FYTTD1: variants seen among roughly 807,000 people sequenced by gnomAD.
FYTTD1 encodes UAP56-interacting factor.
FYTTD1 carries 22 observed loss-of-function variants against 40.9 expected under a neutral mutation model. The observed-to-expected ratio is 0.54, with a 90% CI of 0.38 to 0.77. The LOEUF (loss-of-function observed/expected upper bound fraction) is 0.77. Ranked by LOEUF, FYTTD1 falls within the 30% of genes least tolerant of loss-of-function variation. FYTTD1 has a pLI of 0.00. For synonymous variants in FYTTD1, 140 were observed against 137.9 expected, an observed-to-expected ratio of 1.01 and a Z score of -0.10; for missense variants, 351 against 392.2, an observed-to-expected ratio of 0.90 and a Z score of 0.89.
chr3:197,779,923 GCAGGCACACACACCACACCTGGGGATA>G (rs1729980945), intron 8 of FYTTD1, among the ~76,000 whole-genome samples: 1 of 129,894 alleles, frequency 7.7e-6, no homozygotes, highest in Non-Finnish European at 1.6e-5. Context: ...ACCTGGGGAT[GCAGGCACACACACCACACCTGGGGATA>G]CAGGCACACA....
chr3:197,764,013 T>A (rs531606854), intron 2 of FYTTD1, among the ~76,000 whole-genome samples: 3 of 152,342 alleles, frequency 2.0e-5, no homozygotes, highest in Admixed American at 1.3e-4. Flanking sequence ...GGATTTTTTT[T>A]AAGCTCCATG....
Position 197,768,433 on chromosome 3 carries a change from C to G in FYTTD1, c.236-6C>G. On this transcript the variant is annotated splice_region_variant and splice_polypyrimidine_tract_variant and intron_variant, in intron 2 of 8. Coordinates refer to ENST00000241502, the MANE Select transcript of FYTTD1 (RefSeq NM_032288.7). ...GACATTTTCTTCTGTTTTTGCCCTC[C>G]TATAGGTTTTGGTAAGACTAGTCTG... is the stretch of plus-strand genomic sequence containing the variant. 1 of 1,594,574 alleles carries G rather than the reference C, an allele frequency of 6.3e-7. No individual in the cohort carries two copies. The highest frequency in any genetic ancestry group is 1.3e-5 in the African/African-American group (1 of 74,468).
rs1030716257 is a variant in FYTTD1, at chr3:197,786,315, A to G, written c.*4406A>G. 7 of 151,862 alleles carry G rather than the reference A, an allele frequency of 4.6e-5. No individual in the cohort carries two copies. Among genetic ancestry groups the G allele is most frequent in the African/African-American group, 1.7e-4 (7 of 41,306 alleles). 9.4% of individuals were successfully genotyped at this position (151,862 alleles called of 1,614,324 possible). Reference sequence around the variant, plus strand: ...TTTTTAGTAGAGACGGGGTTTCTCCATGTTGGTCAGGCTGGTCTCAAACTC... The same window carrying G: ...TTTTTAGTAGAGACGGGGTTTCTCCGTGTTGGTCAGGCTGGTCTCAAACTC... On this transcript the variant is annotated 3_prime_UTR_variant, in exon 9 of 9. Transcript: ENST00000241502.
chr3:197,750,678 C>T lies in FYTTD1; in HGVS notation c.103+604C>T, dbSNP rs1728995611. 5 of 985,382 alleles carry T rather than the reference C, an allele frequency of 5.1e-6. No homozygotes were observed. The Admixed American group carries it at 1.8e-4, about 36-fold the overall frequency. 61.0% of individuals were successfully genotyped at this position (985,382 alleles called of 1,614,324 possible). A position where few individuals can be genotyped will look rare whatever the true frequency, so the allele number is the denominator to read the frequency against. On this transcript the variant is annotated intron_variant, in intron 1 of 8. Coordinates refer to ENST00000241502, the MANE Select transcript of FYTTD1 (RefSeq NM_032288.7). ...AGCGTCTGTCAGAAAGGAAGCAGCGCTCGGCCGCCTGTGGGATGTGGTTGT... is the reference window on the plus strand; with the variant it reads ...AGCGTCTGTCAGAAAGGAAGCAGCGTTCGGCCGCCTGTGGGATGTGGTTGT...
intron 2 of FYTTD1, among the ~76,000 whole-genome samples, chr3:197,758,066 G>C (rs1235563924): frequency 1.3e-5 from 2 of 152,156 alleles, no homozygotes; most frequent in African/African-American, 4.8e-5. Flanking sequence ...ACCATGCCCA[G>C]CTAATTTTGT....
intron 8 of FYTTD1, among the ~76,000 whole-genome samples, chr3:197,780,002 ACAGGCACACACTGCCACACCTGGGGATG>A (rs1442547083): frequency 1.2e-3 from 160 of 135,638 alleles, no homozygotes; most frequent in Middle Eastern, 4.8e-3. Context: ...ACCTGGAGAT[ACAGGCACACACTGCCACACCTGGGGATG>A]CAGGCACACA....
rs995324628 is a variant in FYTTD1, at chr3:197,782,152, T to C, written c.*243T>C. 4.4e-5 allele frequency: 13 copies of C among 296,444 alleles called. No individual in the cohort carries two copies. The highest frequency in any genetic ancestry group is 2.6e-4 in the African/African-American group (12 of 46,198). 18.4% of individuals were successfully genotyped at this position (296,444 alleles called of 1,614,324 possible). On this transcript the variant is annotated 3_prime_UTR_variant, in exon 9 of 9. Transcript: ENST00000241502. ...ATGGTTGGCTCAGACAGAACAATCA[T>C]CTGTTTGACTTCTTTGGTTCCTCAT...
Position 197,785,653 on chromosome 3 carries a change from G to A in FYTTD1, c.*3744G>A, listed in dbSNP as rs190308178. Reference sequence around the variant, plus strand: ...CATTATTAATATTTTACTGTAAATAGCTTTGTAATTCACACAAAGTATACG... The same window carrying A: ...CATTATTAATATTTTACTGTAAATAACTTTGTAATTCACACAAAGTATACG... On this transcript the variant is annotated 3_prime_UTR_variant, in exon 9 of 9. Coordinates refer to ENST00000241502, the MANE Select transcript of FYTTD1 (RefSeq NM_032288.7). The A allele has an allele frequency of 5.9e-5, 9 of 151,968 alleles. No homozygotes were observed. In the East Asian group the frequency reaches 9.7e-4, roughly 16 times the overall value. 9.4% of individuals were successfully genotyped at this position (151,968 alleles called of 1,614,324 possible). A position where few individuals can be genotyped will look rare whatever the true frequency, so the allele number is the denominator to read the frequency against.
At position 197,780,312 on chromosome 3, in the gene FYTTD1, G is replaced by A. The variant is rs951022336; in HGVS notation, c.859-1499G>A. Among the ~76,000 whole-genome samples the A allele has an allele frequency of 3.3e-5, 5 of 151,974 alleles. No homozygotes were observed. In the South Asian group the frequency reaches 8.3e-4, roughly 25 times the overall value. ...CTTGAACTCCTAAGCTCAAGCCACC[G>A]CCTGCCTTCTGTGGCTGGCCAGCTT... is the stretch of plus-strand genomic sequence containing the variant. On this transcript the variant is annotated intron_variant, in intron 8 of 8. Coordinates refer to ENST00000241502, the MANE Select transcript of FYTTD1 (RefSeq NM_032288.7).
In FYTTD1 at chr3:197,781,775, G is replaced by T. The variant is rs766365624; in HGVS notation, c.859-36G>T. On this transcript the variant is annotated intron_variant, in intron 8 of 8. Coordinates refer to ENST00000241502, the MANE Select transcript of FYTTD1 (RefSeq NM_032288.7). ...GCCTTCAGTAAAGTTGTTAATTGTT[G>T]CTTTGTTGTTGTTTTTGTTTTTTTC... 7.5e-6 allele frequency: 11 copies of T among 1,468,436 alleles called. 1 individual carries two copies. The South Asian group carries it at 1.3e-4, about 18-fold the overall frequency. 91.0% of individuals were successfully genotyped at this position (1,468,436 alleles called of 1,614,324 possible).
intron 8 of FYTTD1, among the ~76,000 whole-genome samples, chr3:197,779,746 C>T (rs138078203): frequency 1.6e-4 from 24 of 150,232 alleles, no homozygotes; most frequent in African/African-American, 5.9e-4. Flanking sequence ...GCACACACAC[C>T]ACACCTGGGG....
intron 2 of FYTTD1, among the ~76,000 whole-genome samples, chr3:197,758,461 G>A (rs1320686774): frequency 6.6e-6 from 1 of 152,110 alleles, no homozygotes; most frequent in African/African-American, 2.4e-5. Context: ...GAGATAAGAT[G>A]GAAAAGGTAG....
intron 3 of FYTTD1, among the ~76,000 whole-genome samples, chr3:197,769,651 T>C (rs1424837612): frequency 1.3e-5 from 2 of 152,250 alleles, no homozygotes; most frequent in Admixed American, 1.3e-4. Context: ...CCAGCGTCTT[T>C]GCTGTCATAA....
intron 1 of FYTTD1, among the ~76,000 whole-genome samples, chr3:197,752,065 AG>A (rs1373874009): frequency 6.6e-6 from 1 of 152,158 alleles, no homozygotes; most frequent in East Asian, 1.9e-4. Context: ...TAGTAGAGAC[AG>A]GGTTTCACCA....
chr3:197,762,954 A>T (rs1427274038), intron 2 of FYTTD1, among the ~76,000 whole-genome samples: 1 of 152,170 alleles, frequency 6.6e-6, no homozygotes, highest in Non-Finnish European at 1.5e-5. Flanking sequence ...AACCCCCGTG[A>T]TACATGTTTA....
intron 7 of FYTTD1, among the ~76,000 whole-genome samples, chr3:197,777,786 C>T (rs1192805717): frequency 6.6e-6 from 1 of 152,136 alleles, no homozygotes; most frequent in Admixed American, 6.6e-5. Flanking sequence ...GCCACCATAG[C>T]TCACTGCTGC....
intron 2 of FYTTD1, among the ~76,000 whole-genome samples, chr3:197,764,714 A>C (rs1729489871): frequency 6.6e-6 from 1 of 151,704 alleles, no homozygotes; most frequent in African/African-American, 2.4e-5. Flanking sequence ...GTCCCAAAAA[A>C]AAAAAAAAAA....
chr3:197,766,684 C>T (rs1729560678), intron 2 of FYTTD1, among the ~76,000 whole-genome samples: 1 of 152,026 alleles, frequency 6.6e-6, no homozygotes, highest in African/African-American at 2.4e-5. Context: ...CTCAAGCAAT[C>T]CATCCTTCTC....
At chr3:197,768,115 C>T (rs1376094856) in intron 2 of FYTTD1, among the ~76,000 whole-genome samples, 1 of 152,166 alleles carries the variant, frequency 6.6e-6, no homozygotes, top group East Asian at 1.9e-4. Context: ...TACTCAGTAG[C>T]CACATATGGT....
Sources: gnomAD v4.1 joint callset for allele counts (sites outside exome capture counted in the v4.1 genomes callset) on GRCh38, gnomAD v4.1.1 for gene constraint, MANE v1.5 for transcripts, NCBI Gene and HGNC (gene_info 2026-07-23, HGNC 2026-07-21) for gene names.